Variants in ADAMTS2 observed in about 807,000 individuals in gnomAD.
ADAMTS2 encodes A disintegrin and metalloproteinase with thrombospondin motifs 2.
ADAMTS2 carries 50 observed loss-of-function variants against 123.0 expected under a neutral mutation model. The ratio of observed to expected loss-of-function variants is 0.41; its 90% CI spans 0.32 to 0.51. The LOEUF is 0.51. ADAMTS2 is among the 20% of genes least tolerant of loss of function. ADAMTS2 has a pLI of 0.35. For missense variants in ADAMTS2, 1,494 were observed against 1,705.2 expected, an observed-to-expected ratio of 0.88 and a Z score of 2.18; for synonymous variants, 678 against 695.4, an observed-to-expected ratio of 0.98 and a Z score of 0.39.
At chr5:179,321,578 G>C (rs896137454) in intron 2 of ADAMTS2, among the ~76,000 whole-genome samples, 1 of 152,046 alleles carries the variant, frequency 6.6e-6, no homozygotes, top group African/African-American at 2.4e-5. Context: ...TGCACATGGT[G>C]GGGGGCCAAG....
chr5:179,245,779 A>AC lies in ADAMTS2; in HGVS notation c.688+27131_688+27132insG, dbSNP rs1369903862. Among the ~76,000 whole-genome samples the AC allele has an allele frequency of 3.2e-3, 398 of 123,026 alleles. 15 individuals are homozygous for AC. Among genetic ancestry groups the AC allele is most frequent in the African/African-American group, 0.014 (363 of 26,774 alleles). The allele number at this position is 123,026 out of a possible 152,430, so 80.7% of individuals were successfully genotyped here. A position where few individuals can be genotyped will look rare whatever the true frequency, so the allele number is the denominator to read the frequency against. ...AGACTCCGTCTCAAAAAAAAAAAAA[A>AC]AAAAAAAAAAAAAAAACAAAAAAAA... On this transcript the variant is annotated intron_variant, in intron 3 of 21. Transcript: ENST00000251582.
rs914911550 is a variant in ADAMTS2 at position 179,315,815 on chromosome 5, C to T, written c.534+27952G>A. On this transcript the variant is annotated intron_variant, in intron 2 of 21. Coordinates refer to ENST00000251582, the MANE Select transcript of ADAMTS2 (RefSeq NM_014244.5). ...AGAGGAACTGAACAGCCACAGCCAC[C>T]GCAGAACTGGGGGATCTGGACAGAG... Among the ~76,000 whole-genome samples the T allele has an allele frequency of 7.2e-5, 11 of 152,226 alleles. 1 individual carries two copies. The highest frequency in any genetic ancestry group is 2.6e-4 in the Admixed American group (4 of 15,300).
chr5:179,323,347 C>A (rs542172416), intron 2 of ADAMTS2, among the ~76,000 whole-genome samples: 1 of 152,378 alleles, frequency 6.6e-6, no homozygotes, highest in South Asian at 2.1e-4. Flanking sequence ...AGCTGTAGGA[C>A]TCCCAAGCTA....
chr5:179,202,632 C>T lies in ADAMTS2; in HGVS notation c.891+4881G>A, dbSNP rs144430406. Among the ~76,000 whole-genome samples, 890 of 152,198 alleles carry T rather than the reference C, an allele frequency of 5.8e-3. 12 individuals are homozygous for T. Among genetic ancestry groups the T allele is most frequent in the African/African-American group, 0.02 (842 of 41,520 alleles). Reference sequence around the variant, plus strand: ...CCATAAACACCGGCCCCCGTATGAACGGCAGCCAGGGGCACCAGACAGAGG... The same window carrying T: ...CCATAAACACCGGCCCCCGTATGAATGGCAGCCAGGGGCACCAGACAGAGG... On this transcript the variant is annotated intron_variant, in intron 4 of 21. Coordinates refer to ENST00000251582, the MANE Select transcript of ADAMTS2 (RefSeq NM_014244.5). This position sits in a 1 kb window ranked among gnomAD's most constrained non-coding sequence, Gnocchi z 4.0.
chr5:179,290,428 T>A (rs967081886), intron 2 of ADAMTS2, among the ~76,000 whole-genome samples: 1 of 152,136 alleles, frequency 6.6e-6, no homozygotes, highest in Non-Finnish European at 1.5e-5. Flanking sequence ...CTTCTTTTCT[T>A]TATAAATTAC....
chr5:179,162,935 G>A lies in ADAMTS2; in HGVS notation c.976-4056C>T, dbSNP rs538961087. 6.6e-6 allele frequency among the ~76,000 whole-genome samples: 1 copy of A among 152,318 alleles called. No individual in the cohort carries two copies. Among genetic ancestry groups the A allele is most frequent in the Non-Finnish European group, 1.5e-5 (1 of 68,044 alleles). On this transcript the variant is annotated intron_variant, in intron 5 of 21. Coordinates refer to ENST00000251582, the MANE Select transcript of ADAMTS2 (RefSeq NM_014244.5). The surrounding 1 kb of genome is among the most constrained non-coding windows in gnomAD (Gnocchi z 5.1). ...CCATGAAAGATGGCGTCTGATCTGG[G>A]GGCAGCTGATATGTTCTGGGGGCAG... is the stretch of plus-strand genomic sequence containing the variant.
chr5:179,320,307 A>AT (rs975130284), intron 2 of ADAMTS2, among the ~76,000 whole-genome samples: 28 of 151,228 alleles, frequency 1.9e-4, no homozygotes, highest in African/African-American at 6.3e-4. Flanking sequence ...ACCCTCCTCC[A>AT]TTTTTTTGGG....
chr5:179,181,048 C>G lies in ADAMTS2; in HGVS notation c.975+24G>C, dbSNP rs1300725565. 1 of 1,601,660 alleles carries G rather than the reference C, an allele frequency of 6.2e-7. No individual in the cohort carries two copies. The highest frequency in any genetic ancestry group is 8.6e-7 in the Non-Finnish European group (1 of 1,169,142). On this transcript the variant is annotated intron_variant, in intron 5 of 21. Coordinates refer to ENST00000251582, the MANE Select transcript of ADAMTS2 (RefSeq NM_014244.5). The surrounding 1 kb of genome is among the most constrained non-coding windows in gnomAD (Gnocchi z 4.1). ...CTCACTCCGAGGGGGTGGAGGCAGG[C>G]CCGGCTGGCCACAGTGCACTCACCT...
chr5:179,283,549 C>CAAAAAA (rs3986816), intron 2 of ADAMTS2, among the ~76,000 whole-genome samples: 75 of 51,290 alleles, frequency 1.5e-3, no homozygotes, highest in African/African-American at 5.3e-3. Context: ...AGAAAAACAG[C>CAAAAAA]AAAAAAAAAA....
chr5:179,249,864 A>T lies in ADAMTS2; in HGVS notation c.688+23047T>A, dbSNP rs377702649. On this transcript the variant is annotated intron_variant, in intron 3 of 21. Coordinates refer to ENST00000251582, the MANE Select transcript of ADAMTS2 (RefSeq NM_014244.5). ...TTTCTATGAGGCCAGCATTACCCTG[A>T]TACCGAAACCAGACAAAAACATCAT... Among the ~76,000 whole-genome samples, 4 of 152,222 alleles carry T rather than the reference A, an allele frequency of 2.6e-5. No homozygotes were observed. The East Asian group carries it at 7.7e-4, about 29-fold the overall frequency.
intron 3 of ADAMTS2, among the ~76,000 whole-genome samples, chr5:179,217,737 C>T (rs1226680633): frequency 7.0e-6 from 1 of 143,416 alleles, no homozygotes; most frequent in Admixed American, 6.8e-5. Context: ...GGGCAGATGG[C>T]ACACTTGCTA....
Position 179,119,604 on chromosome 5 carries a change from G to C in ADAMTS2, c.3178+2057C>G, listed in dbSNP as rs566068890. Among the ~76,000 whole-genome samples the C allele has an allele frequency of 5.9e-3, 898 of 152,290 alleles. 5 individuals are homozygous for C. Among genetic ancestry groups the C allele is most frequent in the Non-Finnish European group, 7.9e-3 (538 of 68,022 alleles). On this transcript the variant is annotated intron_variant, in intron 21 of 21. Transcript: ENST00000251582. ...GACATGGGCAGGCCAGTTGCCCAGA[G>C]AGCCACCACTGCCCTGCCCCTCTCC... is the stretch of plus-strand genomic sequence containing the variant.
At chr5:179,116,868 G>A (rs1162162632) in intron 21 of ADAMTS2, among the ~76,000 whole-genome samples, 3 of 152,228 alleles carry the variant, frequency 2.0e-5, no homozygotes, top group East Asian at 1.9e-4. Flanking sequence ...AAAACCCATC[G>A]GCCATCAGGA....
At chr5:179,280,568 C>T (rs1482328023) in intron 2 of ADAMTS2, among the ~76,000 whole-genome samples, 1 of 152,206 alleles carries the variant, frequency 6.6e-6, no homozygotes, top group African/African-American at 2.4e-5. Context: ...AAACCAGAAA[C>T]CCACTCCTGT....
chr5:179,135,638 C>T (rs1447526750), intron 13 of ADAMTS2, among the ~76,000 whole-genome samples: 1 of 152,132 alleles, frequency 6.6e-6, no homozygotes, highest in African/African-American at 2.4e-5. Context: ...TGCTCCCAGG[C>T]CGCCACCACC....
At position 179,317,382 on chromosome 5, in the gene ADAMTS2, C is replaced by T. The variant is rs1269896596; in HGVS notation, c.534+26385G>A. On this transcript the variant is annotated intron_variant, in intron 2 of 21. Transcript: ENST00000251582. This position sits in a 1 kb window ranked among gnomAD's most constrained non-coding sequence, Gnocchi z 4.9. Reference sequence around the variant, plus strand: ...CTGCTCGGACGCTGCCCTTCTGACCCCGATTCCTGTCACCAACACAACAGG... The same window carrying T: ...CTGCTCGGACGCTGCCCTTCTGACCTCGATTCCTGTCACCAACACAACAGG... Among the ~76,000 whole-genome samples, 1 of 152,190 alleles carries T rather than the reference C, an allele frequency of 6.6e-6. No individual in the cohort carries two copies. Among genetic ancestry groups the T allele is most frequent in the East Asian group, 1.9e-4 (1 of 5,202 alleles).
chr5:179,322,467 C>T (rs190010255), intron 2 of ADAMTS2, among the ~76,000 whole-genome samples: 2 of 152,314 alleles, frequency 1.3e-5, no homozygotes, highest in African/African-American at 2.4e-5. Flanking sequence ...CTCTGATCCA[C>T]GCCCTCCCTT....
rs1487160749 is a variant in ADAMTS2 at position 179,189,867 on chromosome 5, A to G, written c.892-8712T>C. Among the ~76,000 whole-genome samples the G allele has an allele frequency of 6.6e-6, 1 of 151,688 alleles. No individual in the cohort carries two copies. Among genetic ancestry groups the G allele is most frequent in the Admixed American group, 6.6e-5 (1 of 15,220 alleles). ...ATCTTCTCAAGGGTGGGGAGGGTGT[A>G]TCATACAAAGTAGATTCACAAGGGC... On this transcript the variant is annotated intron_variant, in intron 4 of 21. Coordinates refer to ENST00000251582, the MANE Select transcript of ADAMTS2 (RefSeq NM_014244.5). The surrounding 1 kb of genome is among the most constrained non-coding windows in gnomAD (Gnocchi z 4.2).
chr5:179,267,628 G>A (rs1371610967), intron 3 of ADAMTS2, among the ~76,000 whole-genome samples: 1 of 152,250 alleles, frequency 6.6e-6, no homozygotes, highest in East Asian at 1.9e-4. Context: ...GAGGGCAGAA[G>A]ATGCTTCTAC....
Sources: allele counts gnomAD v4.1 joint callset (sites outside exome capture counted in the v4.1 genomes callset), GRCh38; gene constraint gnomAD v4.1.1; non-coding constraint Gnocchi (gnomAD v3.1); transcripts MANE v1.5; gene names NCBI Gene and HGNC (gene_info 2026-07-23, HGNC 2026-07-21).